The following SS18 variants were observed in gnomAD, a reference collection of about 807,000 sequenced individuals.
The protein encoded by SS18 is SS18 subunit of BAF chromatin remodeling complex.
SS18 carries 28 observed loss-of-function variants against 72.5 expected under a neutral mutation model. The ratio of observed to expected loss-of-function variants is 0.39; its 90% confidence interval spans 0.29 to 0.53. The LOEUF is 0.53. Among genes scored for constraint, SS18 ranks in the 20% least tolerant of loss-of-function variants. The probability of loss-of-function intolerance (pLI) is 0.76; values close to 1 mark genes in which losing one functional copy is unlikely to be tolerated. For synonymous variants in SS18, 172 were observed against 164.2 expected, an observed-to-expected ratio of 1.05 and a Z score of -0.37; for missense variants, 518 against 535.3, an observed-to-expected ratio of 0.97 and a Z score of 0.32.
intron 7 of SS18, among the ~76,000 whole-genome samples, chr18:26,036,672 A>C (rs566196115): frequency 6.6e-6 from 1 of 152,280 alleles, no homozygotes; most frequent in South Asian, 2.1e-4. Context: ...ATAACCTTTT[A>C]GTTACCTAAA....
chr18:26,019,605 G>C (rs536708487), intron 10 of SS18, among the ~76,000 whole-genome samples: 1 of 152,046 alleles, frequency 6.6e-6, no homozygotes, highest in African/African-American at 2.4e-5. Flanking sequence ...GAGGTCAGGA[G>C]TTCGAGACCA....
chr18:26,039,420 T>C lies in SS18; in HGVS notation c.644A>G (p.Tyr215Cys). 5 of 1,613,796 alleles carry C rather than the reference T, an allele frequency of 3.1e-6. No homozygotes were observed. The highest frequency in any genetic ancestry group is 4.2e-6 in the Non-Finnish European group (5 of 1,179,808). Residue 215 changes from tyrosine to cysteine, a missense_variant, in exon 6 of 11, where the codon TAC becomes TGC. Physicochemically the swap from Tyr to Cys is radical, Grantham distance 194. Transcript: ENST00000415083. ...MMHQQPPSQQ[Y>C]NMPQGGGQHY... The stretch of plus-strand genomic sequence containing the variant: ...CTGTCCGCCTCCCTGTGGCATATTG[T>C]ATTGCTGAGAAGGAGGCTGCTGATG...
At chr18:26,048,122 G>T (rs969638278) in intron 5 of SS18, among the ~76,000 whole-genome samples, 5 of 152,192 alleles carry the variant, frequency 3.3e-5, no homozygotes, top group Non-Finnish European at 5.9e-5. Context: ...ACTGTCACTG[G>T]GTATGTAGTA....
intron 10 of SS18, among the ~76,000 whole-genome samples, chr18:26,027,039 T>A (rs2053457710): frequency 6.6e-6 from 1 of 152,152 alleles, no homozygotes; most frequent in South Asian, 2.1e-4. Flanking sequence ...TATAAATTCA[T>A]GGCAATTACA....
intron 3 of SS18, among the ~76,000 whole-genome samples, chr18:26,066,327 G>C (rs936836698): frequency 1.3e-5 from 2 of 152,122 alleles, no homozygotes; most frequent in African/African-American, 2.4e-5. Context: ...TCAGGAGGCA[G>C]TATCATTCTG....
chr18:26,057,719 C>T lies in SS18; in HGVS notation c.255G>A (p.Met85Ile), dbSNP rs753574591. 5.0e-6 allele frequency: 8 copies of T among 1,612,354 alleles called. No homozygotes were observed. Among genetic ancestry groups the T allele is most frequent in the Admixed American group, 1.7e-5 (1 of 59,874 alleles). ...LPAPPTQNMP[M>I]GPGGMNQSGP... ...CGCTCTGATTCATCCCTCCAGGACCCATAGGCATATTCTGTGTGGGTGGCT... is the reference window on the plus strand; with the variant it reads ...CGCTCTGATTCATCCCTCCAGGACCTATAGGCATATTCTGTGTGGGTGGCT... The change falls in exon 4 of 11, where the codon ATG becomes ATA. Residue 85 changes from methionine (M) to isoleucine (I), a missense_variant. Met to Ile is a conservative substitution (Grantham distance 10). Transcript: ENST00000415083.
In SS18 at chr18:26,017,992, C is replaced by A. The variant is rs544792279; in HGVS notation, c.*362G>T. The A allele has an allele frequency of 3.6e-4, 88 of 245,134 alleles. No homozygotes were observed. The highest frequency in any genetic ancestry group is 6.4e-4 in the Non-Finnish European group (80 of 125,828). The allele number at this position is 245,134 out of a possible 1,614,324, so 15.2% of individuals were successfully genotyped here. On this transcript the variant is annotated 3_prime_UTR_variant, in exon 11 of 11. Transcript: ENST00000415083. ...TTCCCTCTTCCCCTTACAAAAAAAT[C>A]TGTGGAAAAGTATTAAATTCCCTTA... is the stretch of plus-strand genomic sequence containing the variant.
At chr18:26,046,145 T>C (rs1258739338) in intron 5 of SS18, among the ~76,000 whole-genome samples, 3 of 138,360 alleles carry the variant, frequency 2.2e-5, no homozygotes, top group South Asian at 2.2e-4. Context: ...TGAGCCAAGA[T>C]TGCACCACTG....
At chr18:26,065,982 T>C (rs551664891) in intron 3 of SS18, among the ~76,000 whole-genome samples, 2 of 151,998 alleles carry the variant, frequency 1.3e-5, no homozygotes, top group South Asian at 4.2e-4. Context: ...CTAATCTATC[T>C]ATATACTTAA....
intron 1 of SS18, among the ~76,000 whole-genome samples, chr18:26,089,216 A>AT (rs1159927322): frequency 1.3e-5 from 2 of 152,042 alleles, no homozygotes; most frequent in Admixed American, 1.3e-4. Flanking sequence ...AACAGAAACT[A>AT]TAAAAAAAAA....
At chr18:26,021,979 A>C (rs2053358995) in intron 10 of SS18, among the ~76,000 whole-genome samples, 1 of 152,214 alleles carries the variant, frequency 6.6e-6, no homozygotes, top group Non-Finnish European at 1.5e-5. Flanking sequence ...AGACCTTGTG[A>C]ATAAATGAGA....
intron 10 of SS18, among the ~76,000 whole-genome samples, chr18:26,028,789 G>A (rs1331736057): frequency 6.6e-6 from 1 of 152,166 alleles, no homozygotes; most frequent in South Asian, 2.1e-4. Flanking sequence ...GGGGCACAGG[G>A]AAAACTTCTG....
intron 6 of SS18, 101 bp downstream of exon 6, chr18:26,039,188 A>AAG: frequency 1.8e-5 from 16 of 912,282 alleles, no homozygotes; most frequent in South Asian, 2.8e-5. Flanking sequence ...AAAAAAAAAA[A>AAG]AAAAAAAGAA....
Position 26,016,458 on chromosome 18 carries a change from C to T in SS18, c.*1896G>A, listed in dbSNP as rs1444505404. ...CCTATTCTGGCCAGGCACGGTGGCT[C>T]ACGCCTGTAATCCCAGCACTTTGGA... On this transcript the variant is annotated 3_prime_UTR_variant, in exon 11 of 11. Transcript: ENST00000415083. 5.5e-6 allele frequency: 1 copy of T among 181,418 alleles called. No homozygotes were observed. Among genetic ancestry groups the T allele is most frequent in the Non-Finnish European group, 1.2e-5 (1 of 84,900 alleles). 11.2% of individuals were successfully genotyped at this position (181,418 alleles called of 1,614,324 possible).
intron 10 of SS18, among the ~76,000 whole-genome samples, chr18:26,027,703 A>AC (rs59848344): frequency 6.4e-5 from 8 of 124,698 alleles, no homozygotes; most frequent in African/African-American, 2.5e-4. Context: ...AAAAAAAAAA[A>AC]AGTCTTTTCA....
chr18:26,063,842 C>G (rs2054166983), intron 3 of SS18, among the ~76,000 whole-genome samples: 1 of 151,850 alleles, frequency 6.6e-6, no homozygotes, highest in African/African-American at 2.4e-5. Context: ...AAAATTAAGC[C>G]AAAAGCTGGC....
intron 2 of SS18, chr18:26,086,071 A>C (rs2054610415): frequency 6.6e-6 from 1 of 152,220 alleles, no homozygotes; most frequent in African/African-American, 2.4e-5. Context: ...TTGTTACTGA[A>C]CATGTAGGCT....
intron 4 of SS18, among the ~76,000 whole-genome samples, chr18:26,056,367 T>G (rs1328243694): frequency 6.6e-6 from 1 of 152,228 alleles, no homozygotes; most frequent in Non-Finnish European, 1.5e-5. Flanking sequence ...CCTGGTGAAC[T>G]AAATGTGGAC....
chr18:26,032,606 C>T, intron 9 of SS18, 74 bp from the exon 10 acceptor site: 1 of 1,495,448 alleles, frequency 6.7e-7, no homozygotes, highest in Non-Finnish European at 9.0e-7. Flanking sequence ...ATGTGAACTA[C>T]AGAGATGTTA....
Sources: gnomAD v4.1 joint callset for allele counts (sites outside exome capture counted in the v4.1 genomes callset) on GRCh38, gnomAD v4.1.1 for gene constraint, MANE v1.5 for transcripts, NCBI Gene and HGNC (gene_info 2026-07-23, HGNC 2026-07-21) for gene names.